The following CKAP2 variants were observed in gnomAD, a reference collection of about 807,000 sequenced individuals.
CKAP2 encodes cytoskeleton associated protein 2.
In CKAP2, 46 loss-of-function variants were observed where a neutral mutation model predicts 58.4. The observed-to-expected ratio is 0.79, with a 90% CI of 0.62 to 1.01. CKAP2 has a LOEUF of 1.01. Ranked by LOEUF, CKAP2 falls within the 50% of genes least tolerant of loss-of-function variation. The probability of loss-of-function intolerance (pLI) is 0.00; values close to 1 mark genes in which losing one functional copy is unlikely to be tolerated. For synonymous variants in CKAP2, 293 were observed against 280.9 expected, an observed-to-expected ratio of 1.04 and a Z score of -0.43; for missense variants, 809 against 796.4, an observed-to-expected ratio of 1.02 and a Z score of -0.19.
rs778294242 is a variant in CKAP2 at position 52,455,509 on chromosome 13, T to C, written c.-48T>C. 3.9e-5 allele frequency: 62 copies of C among 1,609,972 alleles called. No individual in the cohort carries two copies. Among genetic ancestry groups the C allele is most frequent in the Non-Finnish European group, 5.2e-5 (61 of 1,177,482 alleles). On this transcript the variant is annotated 5_prime_UTR_variant, in exon 1 of 9. Coordinates refer to ENST00000258607, the MANE Select transcript of CKAP2 (RefSeq NM_018204.5). Reference sequence around the variant, plus strand: ...TGCGGCGGCGGTGGTCTGAGGAAGTTCTATCTTGGCGCTAAAGCGGAGACG... The same window carrying C: ...TGCGGCGGCGGTGGTCTGAGGAAGTCCTATCTTGGCGCTAAAGCGGAGACG...
intron 7 of CKAP2, among the ~76,000 whole-genome samples, chr13:52,472,873 C>T (rs1170325106): frequency 6.6e-6 from 1 of 152,070 alleles, no homozygotes; most frequent in Non-Finnish European, 1.5e-5. Flanking sequence ...AGTGAGACCC[C>T]ATCTCTACAA....
At chr13:52,462,626 A>G in intron 5 of CKAP2, 59 bp downstream of exon 5, 1 of 1,295,588 alleles carries the variant, frequency 7.7e-7, no homozygotes, top group South Asian at 1.4e-5. Flanking sequence ...CATAAGCATT[A>G]TTTCATTAAA....
At chr13:52,471,720 C>A (rs1213724204) in intron 7 of CKAP2, among the ~76,000 whole-genome samples, 3 of 152,094 alleles carry the variant, frequency 2.0e-5, no homozygotes, top group Non-Finnish European at 2.9e-5. Context: ...AGTTCCCAAC[C>A]TTTTTTCCCC....
intron 2 of CKAP2, among the ~76,000 whole-genome samples, chr13:52,457,767 T>C (rs1958509661): frequency 6.6e-6 from 1 of 152,020 alleles, no homozygotes; most frequent in Middle Eastern, 3.4e-3. Flanking sequence ...GGCAGGAGAA[T>C]CGCTTGAACC....
Position 52,461,681 on chromosome 13 carries a change from T to C in CKAP2, c.855T>C (p.His285=), listed in dbSNP as rs1958585125. The C allele has an allele frequency of 6.2e-7, 1 of 1,613,902 alleles. No individual in the cohort carries two copies. The highest frequency in any genetic ancestry group is 1.1e-5 in the South Asian group (1 of 91,040). ...ATGTTACAATCCGGAAAGGGCCTCA[T>C]GAAAAAGAACTATTACAATCAAAAA... ...SANVTIRKGP[H]EKELLQSKTA... The change falls in exon 4 of 9, where the codon CAT becomes CAC. Residue 285 remains histidine, a synonymous_variant. Coordinates refer to ENST00000258607, the MANE Select transcript of CKAP2 (RefSeq NM_018204.5).
At chr13:52,462,293 C>T (rs1160564189) in intron 4 of CKAP2, 70 bp from the exon 5 acceptor site, 8 of 1,379,720 alleles carry the variant, frequency 5.8e-6, no homozygotes, top group Admixed American at 2.2e-5. Flanking sequence ...ATGATTTTTT[C>T]TTTTAACTTT....
chr13:52,467,975 C>T (rs559290815), intron 6 of CKAP2, among the ~76,000 whole-genome samples: 4 of 151,934 alleles, frequency 2.6e-5, no homozygotes, highest in Non-Finnish European at 5.9e-5. Flanking sequence ...ACGCCCGGCT[C>T]ATTTTTTTGT....
At chr13:52,455,763 C>A in intron 1 of CKAP2, 137 bp downstream of exon 1, 1 of 1,031,178 alleles carries the variant, frequency 9.7e-7, no homozygotes, top group Non-Finnish European at 1.3e-6. Flanking sequence ...CGGCGTCGGC[C>A]TCGCCCTGCC....
At position 52,475,638 on chromosome 13, in the gene CKAP2, A is replaced by G. The variant is rs1439924321; in HGVS notation, c.*497A>G. On this transcript the variant is annotated 3_prime_UTR_variant, in exon 9 of 9. Transcript: ENST00000258607. Reference sequence around the variant, plus strand: ...AATGACTCACTTCGAATACTAAGACACAGGAGGTTTAGCCTGCTTTCTTAC... The same window carrying G: ...AATGACTCACTTCGAATACTAAGACGCAGGAGGTTTAGCCTGCTTTCTTAC... The G allele has an allele frequency of 6.6e-6, 1 of 152,626 alleles. No individual in the cohort carries two copies. The highest frequency in any genetic ancestry group is 6.5e-5 in the Admixed American group (1 of 15,332). 9.5% of individuals were successfully genotyped at this position (152,626 alleles called of 1,614,324 possible).
intron 6 of CKAP2, among the ~76,000 whole-genome samples, chr13:52,466,708 G>A (rs1464242081): frequency 1.3e-5 from 2 of 152,176 alleles, no homozygotes; most frequent in African/African-American, 4.8e-5. Flanking sequence ...CACAGTAGTG[G>A]ATACCTATAG....
At chr13:52,462,284 T>C in intron 4 of CKAP2, 79 bp from the exon 5 acceptor site, 2 of 1,295,586 alleles carry the variant, frequency 1.5e-6, no homozygotes, top group Non-Finnish European at 2.2e-6. Context: ...CTTAAAAATA[T>C]GATTTTTTCT....
chr13:52,474,820 T>C (rs1456162881), intron 8 of CKAP2, 75 bp from the exon 9 acceptor site: 11 of 1,391,422 alleles, frequency 7.9e-6, no homozygotes. Context: ...CTATATAGTA[T>C]GGTACATATC....
At chr13:52,464,369 A>G (rs1270233097) in intron 5 of CKAP2, among the ~76,000 whole-genome samples, 1 of 152,170 alleles carries the variant, frequency 6.6e-6, no homozygotes, top group Non-Finnish European at 1.5e-5. Context: ...CCTGGCCAAC[A>G]TGGTAAAACT....
chr13:52,475,188 G>A lies in CKAP2; in HGVS notation c.*47G>A, dbSNP rs1226493339. 6.3e-7 allele frequency: 1 copy of A among 1,593,592 alleles called. No individual in the cohort carries two copies. Among genetic ancestry groups the A allele is most frequent in the Non-Finnish European group, 8.5e-7 (1 of 1,169,652 alleles). On this transcript the variant is annotated 3_prime_UTR_variant, in exon 9 of 9. Transcript: ENST00000258607. Reference sequence around the variant, plus strand: ...GAATGGGGTTTTTATTATTTGTGGGGTGTTTTGTTTTGAGTAGCTTTATAT... The same window carrying A: ...GAATGGGGTTTTTATTATTTGTGGGATGTTTTGTTTTGAGTAGCTTTATAT...
At chr13:52,465,922 TATATATACACAC>T in intron 6 of CKAP2, 1 of 324,624 alleles carries the variant, frequency 3.1e-6, no homozygotes, top group Non-Finnish European at 6.0e-6. Flanking sequence ...TATACACACA[TATATATACACAC>T]ATATATATAC....
rs1958462276 is a variant in CKAP2, at chr13:52,455,568, G to A, written c.12G>A (p.Pro4=). ...GACCCGAGGCTACGATGAGCACACC[G>A]GCCGTGCCCCAGGACCTGCAGCTGC... MST[P]AVPQDLQLPP... is the part of the protein sequence containing the mutation. Residue 4 remains proline, a synonymous_variant, in exon 1 of 9, where the codon CCG becomes CCA. Coordinates refer to ENST00000258607, the MANE Select transcript of CKAP2 (RefSeq NM_018204.5). The A allele has an allele frequency of 6.2e-7, 1 of 1,612,638 alleles. No individual in the cohort carries two copies. Among genetic ancestry groups the A allele is most frequent in the African/African-American group, 1.3e-5 (1 of 74,884 alleles).
In CKAP2 at chr13:52,465,906, T is replaced by TATATATATACACGC. The variant is rs2137855651; in HGVS notation, c.1476+453_1476+454insGCATATATATACAC. Reference sequence around the variant, plus strand: ...GTAAACCCGAATGTACTCATATATGTATATATATACACACATATATATACA... The same window carrying TATATATATACACGC: ...GTAAACCCGAATGTACTCATATATGTATATATATACACGCATATATATACACACATATATATACA... On this transcript the variant is annotated intron_variant, in intron 6 of 8. Coordinates refer to ENST00000258607, the MANE Select transcript of CKAP2 (RefSeq NM_018204.5). The TATATATATACACGC allele has an allele frequency of 1.1e-5, 3 of 277,670 alleles. No individual in the cohort carries two copies. The East Asian group carries it at 2.7e-4, about 25-fold the overall frequency. The allele number at this position is 277,670 out of a possible 1,614,324, so 17.2% of individuals were successfully genotyped here.
At chr13:52,472,145 C>T (rs760961783) in intron 7 of CKAP2, among the ~76,000 whole-genome samples, 4 of 152,168 alleles carry the variant, frequency 2.6e-5, no homozygotes, top group Non-Finnish European at 5.9e-5. Flanking sequence ...GATGATTTCC[C>T]TGATATACCA....
intron 7 of CKAP2, among the ~76,000 whole-genome samples, chr13:52,469,845 C>G (rs555019860): frequency 2.2e-4 from 33 of 149,616 alleles, no homozygotes; most frequent in Non-Finnish European, 1.6e-4. Flanking sequence ...ATCCACCCGC[C>G]TCGGCCTTCC....
Sources: allele counts gnomAD v4.1 joint callset (sites outside exome capture counted in the v4.1 genomes callset), GRCh38; gene constraint gnomAD v4.1.1; transcripts MANE v1.5; gene names NCBI Gene and HGNC (gene_info 2026-07-23, HGNC 2026-07-21).